Variants in DCDC1 observed in about 807,000 individuals in gnomAD.
DCDC1 encodes the protein doublecortin domain-containing protein 1.
Under a neutral mutation model 178.3 loss-of-function variants are expected in DCDC1, and 200 were observed. That is an observed-to-expected ratio of 1.12 (90% confidence interval 1.00 to 1.26). The LOEUF is 1.26. Among genes scored for constraint, DCDC1 ranks in the 50% most tolerant of loss-of-function variants. The pLI is 0.00. For synonymous variants in DCDC1, 690 were observed against 604.8 expected, an observed-to-expected ratio of 1.14 and a Z score of -2.07; for missense variants, 1,983 against 1,749.2, an observed-to-expected ratio of 1.13 and a Z score of -2.38.
intron 1 of DCDC1, among the ~76,000 whole-genome samples, chr11:31,356,722 C>T (rs1482606869): frequency 1.3e-5 from 2 of 150,572 alleles, no homozygotes; most frequent in African/African-American, 4.9e-5. Context: ...AGAGAAGAAT[C>T]AAATAGACGC....
chr11:31,183,885 C>T (rs993091009), intron 9 of DCDC1, among the ~76,000 whole-genome samples: 1 of 152,158 alleles, frequency 6.6e-6, no homozygotes, highest in East Asian at 1.9e-4. Context: ...AGATTCAATG[C>T]TATCTCCATC....
intron 20 of DCDC1, among the ~76,000 whole-genome samples, chr11:30,975,443 A>G (rs1434050963): frequency 6.6e-6 from 1 of 152,084 alleles, no homozygotes; most frequent in Non-Finnish European, 1.5e-5. Context: ...CCCTCTTTGC[A>G]GATAATATAA....
chr11:31,041,476 C>G (rs546466975), intron 20 of DCDC1, among the ~76,000 whole-genome samples: 1 of 152,278 alleles, frequency 6.6e-6, no homozygotes, highest in South Asian at 2.1e-4. Context: ...AATCACATCA[C>G]AGCCCAATAA....
rs540055193 is a variant in DCDC1 at position 31,305,238 on chromosome 11, T to C, written c.754+377A>G. ...ACCAAGAGTGTAAATGAATAAATGATACTTAAAACTTTGAACTATTTTCTG... is the reference window on the plus strand; with the variant it reads ...ACCAAGAGTGTAAATGAATAAATGACACTTAAAACTTTGAACTATTTTCTG... On this transcript the variant is annotated intron_variant, in intron 6 of 38. Coordinates refer to ENST00000684477, the MANE Select transcript of DCDC1 (RefSeq NM_001387274.1). Among the ~76,000 whole-genome samples the C allele has an allele frequency of 8.5e-5, 13 of 152,314 alleles. No homozygotes were observed. The South Asian group carries it at 2.7e-3, about 32-fold the overall frequency.
At chr11:31,307,307 C>A (rs1421626587) in intron 4 of DCDC1, 1 of 219,596 alleles carries the variant, frequency 4.6e-6, no homozygotes, top group Non-Finnish European at 9.0e-6. Flanking sequence ...AATTCTGTTT[C>A]AAACTATTGG....
chr11:30,950,731 G>A (rs1460036168), intron 21 of DCDC1, among the ~76,000 whole-genome samples: 1 of 152,008 alleles, frequency 6.6e-6, no homozygotes, highest in Non-Finnish European at 1.5e-5. Flanking sequence ...AGGGAATAAA[G>A]GGAGGTTGTT....
intron 8 of DCDC1, among the ~76,000 whole-genome samples, chr11:31,242,988 C>A (rs1977357409): frequency 6.6e-6 from 1 of 151,794 alleles, no homozygotes; most frequent in African/African-American, 2.4e-5. Flanking sequence ...ATTGAAACAT[C>A]TTCTTAGATG....
At chr11:31,329,595 T>C (rs1219288726) in intron 2 of DCDC1, among the ~76,000 whole-genome samples, 1 of 152,150 alleles carries the variant, frequency 6.6e-6, no homozygotes, top group Non-Finnish European at 1.5e-5. Flanking sequence ...TTCTCTGCCC[T>C]GTGTCCAAGT....
At chr11:31,161,363 T>A (rs531894603) in intron 9 of DCDC1, among the ~76,000 whole-genome samples, 57 of 152,184 alleles carry the variant, frequency 3.7e-4, no homozygotes, top group Non-Finnish European at 6.8e-4. Context: ...AAAATTACAG[T>A]AATTAAAAAA....
At chr11:31,200,131 T>C (rs1206627709) in intron 9 of DCDC1, among the ~76,000 whole-genome samples, 3 of 152,230 alleles carry the variant, frequency 2.0e-5, no homozygotes, top group South Asian at 2.1e-4. Context: ...ATTTATAATA[T>C]GTTTGGAGAC....
At chr11:31,278,482 G>C (rs953988150) in intron 7 of DCDC1, among the ~76,000 whole-genome samples, 6 of 152,250 alleles carry the variant, frequency 3.9e-5, no homozygotes, top group Non-Finnish European at 7.4e-5. Flanking sequence ...CAGAAGCAGA[G>C]AGTAGAATGG....
At chr11:31,273,241 G>C (rs1243554493) in intron 7 of DCDC1, among the ~76,000 whole-genome samples, 4 of 152,098 alleles carry the variant, frequency 2.6e-5, no homozygotes. Flanking sequence ...TCAGAAAATG[G>C]GATTTTATTT....
At chr11:31,253,356 ATTT>A (rs1357132704) in intron 8 of DCDC1, among the ~76,000 whole-genome samples, 3 of 134,676 alleles carry the variant, frequency 2.2e-5, no homozygotes, top group Admixed American at 1.5e-4. Flanking sequence ...AGTTTTGGAG[ATTT>A]TTTTTTTTTT....
chr11:31,042,283 T>G (rs1954510906), intron 20 of DCDC1, among the ~76,000 whole-genome samples: 1 of 152,226 alleles, frequency 6.6e-6, no homozygotes, highest in African/African-American at 2.4e-5. Flanking sequence ...AAAACTTGTT[T>G]ATGTAACGGA....
chr11:30,874,223 G>A (rs1941908958), intron 38 of DCDC1, among the ~76,000 whole-genome samples: 1 of 152,132 alleles, frequency 6.6e-6, no homozygotes, highest in African/African-American at 2.4e-5. Context: ...TTACACTGTG[G>A]TCACGACGTG....
At chr11:31,202,320 T>C (rs1477486423) in intron 9 of DCDC1, among the ~76,000 whole-genome samples, 1 of 151,582 alleles carries the variant, frequency 6.6e-6, no homozygotes, top group Non-Finnish European at 1.5e-5. Context: ...CCCAACACTT[T>C]GGGACGCCGA....
chr11:31,087,741 A>G (rs1763707668), intron 17 of DCDC1, among the ~76,000 whole-genome samples: 1 of 152,134 alleles, frequency 6.6e-6, no homozygotes, highest in African/African-American at 2.4e-5. Flanking sequence ...TTTCATAGCC[A>G]TTATATAGAC....
At chr11:31,143,009 G>A (rs977902068) in intron 9 of DCDC1, among the ~76,000 whole-genome samples, 2 of 151,928 alleles carry the variant, frequency 1.3e-5, no homozygotes, top group Admixed American at 6.6e-5. Flanking sequence ...GTTTCCACAC[G>A]CAACAAACTG....
At chr11:30,988,429 A>G (rs1269888151) in intron 20 of DCDC1, among the ~76,000 whole-genome samples, 1 of 152,066 alleles carries the variant, frequency 6.6e-6, no homozygotes, top group Admixed American at 6.6e-5. Context: ...AAAAAATGGG[A>G]TGATGATGAT....
Sources: gnomAD v4.1 joint callset for allele counts (sites outside exome capture counted in the v4.1 genomes callset) on GRCh38, gnomAD v4.1.1 for gene constraint, MANE v1.5 for transcripts, NCBI Gene and HGNC (gene_info 2026-07-23, HGNC 2026-07-21) for gene names.